Variants in GABRB1 observed in about 807,000 individuals in gnomAD.
GABRB1 encodes gamma-aminobutyric acid receptor subunit beta-1.
A neutral mutation model predicts 51.6 loss-of-function variants in GABRB1; 17 were observed. The ratio of observed to expected loss-of-function variants is 0.33; its 90% CI spans 0.23 to 0.49. The LOEUF is 0.49. Ranked by LOEUF, GABRB1 falls within the 20% of genes least tolerant of loss-of-function variation. The pLI is 0.99. For synonymous variants in GABRB1, 247 were observed against 218.9 expected, an observed-to-expected ratio of 1.13 and a Z score of -1.14; for missense variants, 410 against 600.6, an observed-to-expected ratio of 0.68 and a Z score of 3.32.
intron 5 of GABRB1, among the ~76,000 whole-genome samples, chr4:47,354,076 C>T (rs531476365): frequency 6.6e-6 from 1 of 152,170 alleles, no homozygotes; most frequent in South Asian, 2.1e-4. Flanking sequence ...CCAAGCAACC[C>T]ATCTTCTCTC....
At chr4:47,296,496 T>C (rs1723998188) in intron 4 of GABRB1, among the ~76,000 whole-genome samples, 3 of 151,728 alleles carry the variant, frequency 2.0e-5, no homozygotes. Context: ...CCAACAAAGA[T>C]CAAAAGAGAC....
chr4:47,087,806 G>T (rs1215242886), intron 3 of GABRB1, among the ~76,000 whole-genome samples: 4 of 152,044 alleles, frequency 2.6e-5, no homozygotes, highest in Non-Finnish European at 5.9e-5. Flanking sequence ...GGAAAATGAG[G>T]ATAATATAAT....
At chr4:47,088,451 G>C (rs756056418) in intron 3 of GABRB1, among the ~76,000 whole-genome samples, 1 of 152,180 alleles carries the variant, frequency 6.6e-6, no homozygotes, top group African/African-American at 2.4e-5. Context: ...AAGACTGTGG[G>C]TGCTAGGCTG....
At chr4:47,247,509 T>C (rs1224952984) in intron 4 of GABRB1, among the ~76,000 whole-genome samples, 1 of 152,132 alleles carries the variant, frequency 6.6e-6, no homozygotes, top group African/African-American at 2.4e-5. Flanking sequence ...GCAAGCTCTT[T>C]TTTGGTTCCA....
At chr4:47,186,778 A>G (rs1172026758) in intron 4 of GABRB1, among the ~76,000 whole-genome samples, 1 of 151,916 alleles carries the variant, frequency 6.6e-6, no homozygotes, top group Non-Finnish European at 1.5e-5. Context: ...CTCTTATTAG[A>G]GAGACTCCTT....
chr4:47,039,073 A>G (rs1056657428), intron 3 of GABRB1, among the ~76,000 whole-genome samples: 3 of 152,078 alleles, frequency 2.0e-5, no homozygotes, highest in African/African-American at 7.2e-5. Flanking sequence ...TACTTGACAG[A>G]TATGCTTAAG....
chr4:47,360,120 TAAAAAA>T (rs372037132), intron 5 of GABRB1, among the ~76,000 whole-genome samples: 1 of 146,844 alleles, frequency 6.8e-6, no homozygotes, highest in Non-Finnish European at 1.5e-5. Flanking sequence ...AGGAAAGCTT[TAAAAAA>T]AAAAAAGATA....
intron 8 of GABRB1, 142 bp from the exon 9 acceptor site, chr4:47,425,532 C>CGA: frequency 1.6e-6 from 1 of 636,718 alleles, no homozygotes; most frequent in Non-Finnish European, 2.8e-6. Context: ...ATCGATCTAT[C>CGA]TCCACATCAG....
chr4:47,195,438 AGATAGATGATAGATAGATTAGATG>A (rs1182193644), intron 4 of GABRB1, among the ~76,000 whole-genome samples: 8 of 110,014 alleles, frequency 7.3e-5, no homozygotes, highest in South Asian at 3.1e-4. Flanking sequence ...ATAGATAGAT[AGATAGATGATAGATAGATTAGATG>A]ATAGATAGAT....
At chr4:47,035,950 G>A (rs181701240) in intron 3 of GABRB1, among the ~76,000 whole-genome samples, 18 of 152,068 alleles carry the variant, frequency 1.2e-4, no homozygotes, top group African/African-American at 4.1e-4. Flanking sequence ...TTCCAACCAG[G>A]CAGCTCTCTG....
intron 4 of GABRB1, among the ~76,000 whole-genome samples, chr4:47,195,394 TGATAGATAGATA>T (rs201594236): frequency 0.018 from 1,645 of 92,190 alleles, 13 homozygotes; most frequent in East Asian, 0.044. Context: ...GATAGATAGA[TGATAGATAGATA>T]GATAGATAGA....
intron 3 of GABRB1, among the ~76,000 whole-genome samples, chr4:47,040,183 C>T (rs1254193316): frequency 6.6e-6 from 1 of 152,184 alleles, no homozygotes; most frequent in Non-Finnish European, 1.5e-5. Context: ...GCTGGAATAT[C>T]TATGCTGAGG....
At chr4:47,112,037 T>A (rs1180136604) in intron 3 of GABRB1, among the ~76,000 whole-genome samples, 3 of 150,582 alleles carry the variant, frequency 2.0e-5, no homozygotes, top group African/African-American at 7.3e-5. Context: ...TGGCACGATC[T>A]CGGCTCACTG....
chr4:47,208,990 G>A (rs1301982354), intron 4 of GABRB1, among the ~76,000 whole-genome samples: 3 of 152,040 alleles, frequency 2.0e-5, no homozygotes, highest in African/African-American at 7.2e-5. Flanking sequence ...GGTACTATCA[G>A]TGTTAAAAGC....
At chr4:47,234,898 A>T (rs1466926666) in intron 4 of GABRB1, among the ~76,000 whole-genome samples, 1 of 152,172 alleles carries the variant, frequency 6.6e-6, no homozygotes, top group Non-Finnish European at 1.5e-5. Context: ...ACACTGTTCT[A>T]TTTGCTGCCA....
intron 8 of GABRB1, among the ~76,000 whole-genome samples, chr4:47,410,744 T>C (rs1482277006): frequency 1.3e-5 from 2 of 152,218 alleles, no homozygotes; most frequent in Non-Finnish European, 2.9e-5. Context: ...TACTGTCCAC[T>C]ATATAAAAGT....
chr4:47,115,010 G>A (rs949870495), intron 3 of GABRB1, among the ~76,000 whole-genome samples: 1 of 152,062 alleles, frequency 6.6e-6, no homozygotes, highest in Non-Finnish European at 1.5e-5. Flanking sequence ...CTTTAAATAT[G>A]AGTGAATCCA....
chr4:47,104,388 T>G (rs561390709), intron 3 of GABRB1, among the ~76,000 whole-genome samples: 1 of 152,058 alleles, frequency 6.6e-6, no homozygotes, highest in African/African-American at 2.4e-5. Context: ...GTTTTTGTAT[T>G]TATTACTTAT....
intron 4 of GABRB1, among the ~76,000 whole-genome samples, chr4:47,223,770 A>G (rs764514785): frequency 6.6e-6 from 1 of 152,206 alleles, no homozygotes; most frequent in South Asian, 2.1e-4. Flanking sequence ...TGTTTAGACT[A>G]TGACATTAGA....
Sources: gnomAD v4.1 joint callset for allele counts (sites outside exome capture counted in the v4.1 genomes callset) on GRCh38, gnomAD v4.1.1 for gene constraint, MANE v1.5 for transcripts, NCBI Gene and HGNC (gene_info 2026-07-23, HGNC 2026-07-21) for gene names.